Variants in SLCO2A1 observed in about 807,000 individuals in gnomAD.
SLCO2A1 encodes matrin F/G 1.
A neutral mutation model predicts 71.7 loss-of-function variants in SLCO2A1; 60 were observed. That is an observed-to-expected ratio of 0.84 (90% confidence interval 0.68 to 1.04). The LOEUF is 1.04. Among genes scored for constraint, SLCO2A1 ranks in the 50% least tolerant of loss-of-function variants. The pLI is 0.00. For synonymous variants in SLCO2A1, 308 were observed against 326.7 expected (o/e 0.94, Z 0.62); for missense variants, 745 against 813.4 (o/e 0.92, Z 1.02).
intron 1 of SLCO2A1, among the ~76,000 whole-genome samples, chr3:134,027,410 A>T (rs2034471375): frequency 6.6e-6 from 1 of 152,106 alleles, no homozygotes; most frequent in Non-Finnish European, 1.5e-5. Context: ...TTTTGTTCCG[A>T]TCTAATTACT....
rs142219821 is a variant in SLCO2A1, at chr3:133,982,415, C to T, written c.97-2797G>A. On this transcript the variant is annotated intron_variant, in intron 1 of 13. Transcript: ENST00000310926. ...ATCTCAGTTCTGTACCCAGAACTTT[C>T]GCCAGAGTTTTGCAAGCAGGTCCAC... 5.3e-3 allele frequency among the ~76,000 whole-genome samples: 814 copies of T among 152,284 alleles called. 8 individuals are homozygous for T. The highest frequency in any genetic ancestry group is 0.018 in the African/African-American group (756 of 41,540).
At chr3:133,970,521 G>A (rs899082983) in intron 3 of SLCO2A1, among the ~76,000 whole-genome samples, 8 of 152,254 alleles carry the variant, frequency 5.3e-5, no homozygotes, top group African/African-American at 1.7e-4. Context: ...TTCCCATGAA[G>A]TAAGACTTTA....
In SLCO2A1 at chr3:134,009,358, T is replaced by C. The variant is rs114914306; in HGVS notation, c.96+20349A>G. Among the ~76,000 whole-genome samples the C allele has an allele frequency of 4.8e-3, 727 of 152,348 alleles. 2 individuals carry two copies. The highest frequency in any genetic ancestry group is 6.8e-3 in the Non-Finnish European group (462 of 68,038). On this transcript the variant is annotated intron_variant, in intron 1 of 13. Transcript: ENST00000310926. The stretch of plus-strand genomic sequence containing the variant: ...CTTTACTTAACATTAGAGAATGAAC[T>C]CTTCCCCCAAATTTCAACTATTTTC...
intron 11 of SLCO2A1, among the ~76,000 whole-genome samples, chr3:133,939,282 C>G (rs549061941): frequency 6.6e-6 from 1 of 152,280 alleles, no homozygotes; most frequent in East Asian, 1.9e-4. Flanking sequence ...GGGGACGGCC[C>G]TGCCATCCCA....
chr3:133,984,628 T>C (rs1287618767), intron 1 of SLCO2A1, among the ~76,000 whole-genome samples: 1 of 152,164 alleles, frequency 6.6e-6, no homozygotes, highest in Non-Finnish European at 1.5e-5. Flanking sequence ...ATGGCCAGCA[T>C]GTGACAGAGC....
At chr3:133,962,722 T>G (rs753683770) in intron 3 of SLCO2A1, among the ~76,000 whole-genome samples, 7 of 152,244 alleles carry the variant, frequency 4.6e-5, no homozygotes, top group Admixed American at 1.3e-4. Flanking sequence ...TAGTAAAGGC[T>G]GGAACACAGC....
At chr3:134,000,994 G>T (rs1935093671) in intron 1 of SLCO2A1, among the ~76,000 whole-genome samples, 2 of 152,202 alleles carry the variant, frequency 1.3e-5, no homozygotes, top group African/African-American at 2.4e-5. Context: ...TAGCAAGAAA[G>T]CAGGAGGACA....
chr3:133,948,456 C>T, intron 8 of SLCO2A1, 80 bp downstream of exon 8: 2 of 1,474,772 alleles, frequency 1.4e-6, no homozygotes, highest in South Asian at 2.6e-5. Flanking sequence ...GGCCTGCGCC[C>T]ATCCCTGGAT....
intron 3 of SLCO2A1, among the ~76,000 whole-genome samples, chr3:133,959,455 A>G (rs77577822): frequency 0.17 from 25,460 of 151,790 alleles, 2,496 homozygotes; most frequent in East Asian, 0.27. Context: ...TTAGAACCCT[A>G]TGCATCGCTG....
At chr3:134,018,968 T>C (rs999401777) in intron 1 of SLCO2A1, among the ~76,000 whole-genome samples, 3 of 151,734 alleles carry the variant, frequency 2.0e-5, no homozygotes, top group Non-Finnish European at 4.4e-5. Flanking sequence ...GAGATGAGAG[T>C]TATGAAGAGG....
chr3:134,021,522 G>T (rs1020501775), intron 1 of SLCO2A1, among the ~76,000 whole-genome samples: 1 of 152,004 alleles, frequency 6.6e-6, no homozygotes, highest in African/African-American at 2.4e-5. Context: ...CACAGTGGTT[G>T]AGAGAACAGC....
chr3:133,976,681 C>T (rs1934463316), intron 2 of SLCO2A1, among the ~76,000 whole-genome samples: 1 of 152,010 alleles, frequency 6.6e-6, no homozygotes, highest in Admixed American at 6.5e-5. Context: ...TAAAACACTA[C>T]CATGGACTTG....
At chr3:133,938,376 G>T (rs1576424732) in intron 12 of SLCO2A1, 53 bp downstream of exon 12, 9 of 1,494,508 alleles carry the variant, frequency 6.0e-6, no homozygotes, top group Middle Eastern at 1.7e-4. Context: ...ATAGCCTTCA[G>T]ATGCCCCATC....
At position 133,948,600 on chromosome 3, in the gene SLCO2A1, G is replaced by A. The variant is rs1201241332; in HGVS notation, c.1041C>T (p.Thr347=). 6.2e-7 allele frequency: 1 copy of A among 1,614,064 alleles called. No individual in the cohort carries two copies. Among genetic ancestry groups the A allele is most frequent in the African/African-American group, 1.3e-5 (1 of 74,922 alleles). ...GCTTCTCCAGGAACTTGTTGAGGAA[G>A]GTGGAGAGGCCAGCAATGACGGAGG... is the stretch of plus-strand genomic sequence containing the variant. ...TFSSVIAGLS[T]FLNKFLEKQY... is the part of the protein sequence containing the mutation. The change falls in exon 8 of 14, where the codon ACC becomes ACT. Residue 347 remains threonine, a synonymous_variant. Transcript: ENST00000310926.
intron 6 of SLCO2A1, among the ~76,000 whole-genome samples, chr3:133,950,203 C>T (rs1249929694): frequency 1.3e-5 from 2 of 152,058 alleles, no homozygotes; most frequent in East Asian, 3.9e-4. Flanking sequence ...CTGCCTGACC[C>T]CAGCACCTGC....
intron 1 of SLCO2A1, among the ~76,000 whole-genome samples, chr3:133,999,824 G>A (rs1438842612): frequency 6.6e-6 from 1 of 152,188 alleles, no homozygotes; most frequent in Non-Finnish European, 1.5e-5. Context: ...GGTGAGAAGA[G>A]AAAACCAAGT....
At chr3:133,936,002 G>T in intron 12 of SLCO2A1, 105 bp from the exon 13 acceptor site, 2 of 1,201,716 alleles carry the variant, frequency 1.7e-6, no homozygotes, top group Non-Finnish European at 2.2e-6. Flanking sequence ...ACATGAGAAC[G>T]GCTCTGCCGT....
intron 1 of SLCO2A1, among the ~76,000 whole-genome samples, chr3:134,006,137 T>C (rs1284990838): frequency 6.6e-6 from 1 of 152,284 alleles, no homozygotes; most frequent in South Asian, 2.1e-4. Context: ...GCTAAAAGCA[T>C]CCTTGACCTC....
chr3:133,944,009 C>G (rs1288776692), intron 10 of SLCO2A1, among the ~76,000 whole-genome samples: 1 of 152,250 alleles, frequency 6.6e-6, no homozygotes, highest in African/African-American at 2.4e-5. Flanking sequence ...GCTCTGGCTC[C>G]TGCCTGCTCC....
Sources: allele counts gnomAD v4.1 joint callset (sites outside exome capture counted in the v4.1 genomes callset), GRCh38; gene constraint gnomAD v4.1.1; transcripts MANE v1.5; gene names NCBI Gene and HGNC (gene_info 2026-07-23, HGNC 2026-07-21).